The following AFF3 variants were observed in gnomAD, a reference collection of about 807,000 sequenced individuals.
AFF3 encodes the protein AF4/FMR2 family member 3.
AFF3 carries 32 observed loss-of-function variants against 129.7 expected under a neutral mutation model. The ratio of observed to expected loss-of-function variants is 0.25; its 90% CI spans 0.19 to 0.33. The LOEUF (loss-of-function observed/expected upper bound fraction) is 0.33, where lower values mean the gene tolerates loss of function less well. Among genes scored for constraint, AFF3 ranks in the 10% least tolerant of loss-of-function variants. AFF3 has a pLI of 1.00. For synonymous variants in AFF3, 644 were observed against 635.4 expected (o/e 1.01, Z -0.20); for missense variants, 1,373 against 1,592.0 (o/e 0.86, Z 2.34).
chr2:99,869,339 G>A (rs1224495160), intron 7 of AFF3, among the ~76,000 whole-genome samples: 3 of 150,340 alleles, frequency 2.0e-5, no homozygotes, highest in African/African-American at 4.9e-5. Flanking sequence ...TTAAATCTCA[G>A]CAAAGGCCTT....
chr2:99,649,557 T>G, intron 13 of AFF3, 69 bp downstream of exon 13: 1 of 1,514,796 alleles, frequency 6.6e-7, no homozygotes, highest in Admixed American at 1.8e-5. Flanking sequence ...TTATGAATTA[T>G]ATGCCACAAT....
intron 8 of AFF3, among the ~76,000 whole-genome samples, chr2:99,790,194 G>A (rs1176119474): frequency 6.6e-6 from 1 of 152,224 alleles, no homozygotes; most frequent in African/African-American, 2.4e-5. Context: ...AAAGAAATGT[G>A]ACAGTAACAG....
chr2:99,601,298 C>T (rs1679801676), intron 14 of AFF3, 137 bp downstream of exon 14: 1 of 1,076,638 alleles, frequency 9.3e-7, no homozygotes, highest in South Asian at 2.6e-5. Context: ...CCCATAGCCT[C>T]CTCCTTCCCA....
chr2:99,554,759 T>C (rs770910680), intron 22 of AFF3, 27 bp from the exon 23 acceptor site: 2 of 1,613,794 alleles, frequency 1.2e-6, no homozygotes, highest in Non-Finnish European at 1.7e-6. Context: ...ACACTGACAG[T>C]GAGTGCCATC....
chr2:99,610,215 T>C (rs1457817742), intron 13 of AFF3, among the ~76,000 whole-genome samples: 1 of 152,164 alleles, frequency 6.6e-6, no homozygotes, highest in Non-Finnish European at 1.5e-5. Flanking sequence ...ACGATTAAAA[T>C]GTAGAACTGT....
In AFF3 at chr2:99,687,561, G is replaced by A. The variant is rs147265162; in HGVS notation, c.1092-14972C>T. On this transcript the variant is annotated intron_variant, in intron 11 of 24. Coordinates refer to ENST00000672756, the MANE Select transcript of AFF3 (RefSeq NM_001386135.1). ...ACTCTAGGAGACAGGAGCTAGAGGA[G>A]AGGTGGGCTCTCACTGGCCTGTGGA... Among the ~76,000 whole-genome samples the A allele has an allele frequency of 5.1e-3, 780 of 152,276 alleles. 7 individuals are homozygous for A. The highest frequency in any genetic ancestry group is 0.017 in the African/African-American group (716 of 41,552).
At chr2:99,868,441 G>C (rs1005513517) in intron 7 of AFF3, among the ~76,000 whole-genome samples, 1 of 152,174 alleles carries the variant, frequency 6.6e-6, no homozygotes, top group Admixed American at 6.5e-5. Context: ...GCGAGCGAGT[G>C]TCTGACAGAT....
At chr2:99,929,526 TTTTA>T (rs1187531741) in intron 7 of AFF3, among the ~76,000 whole-genome samples, 2 of 152,212 alleles carry the variant, frequency 1.3e-5, no homozygotes, top group Non-Finnish European at 2.9e-5. Context: ...GCTTATTTAT[TTTTA>T]TTTATTAATG....
intron 7 of AFF3, among the ~76,000 whole-genome samples, chr2:99,957,810 G>A (rs1375198876): frequency 6.6e-6 from 1 of 152,170 alleles, no homozygotes; most frequent in Non-Finnish European, 1.5e-5. Flanking sequence ...AGCATCTGAG[G>A]CAGAGGAGCA....
chr2:99,984,155 A>G (rs1679647804), intron 7 of AFF3, among the ~76,000 whole-genome samples: 1 of 152,228 alleles, frequency 6.6e-6, no homozygotes, highest in South Asian at 2.1e-4. Context: ...TTAAAATTTA[A>G]AATGTGAAAC....
chr2:99,895,166 C>T lies in AFF3; in HGVS notation c.874-57642G>A, dbSNP rs568191225. 4.6e-5 allele frequency among the ~76,000 whole-genome samples: 7 copies of T among 152,296 alleles called. No homozygotes were observed. The South Asian group carries it at 1.2e-3, about 27-fold the overall frequency. On this transcript the variant is annotated intron_variant, in intron 7 of 24. Transcript: ENST00000672756. Reference sequence around the variant, plus strand: ...TATATGAGTTGATGCATGAGCATGGCTATTTCTACTGGATATGTTCTGAGC... The same window carrying T: ...TATATGAGTTGATGCATGAGCATGGTTATTTCTACTGGATATGTTCTGAGC...
Position 99,611,591 on chromosome 2 carries a change from G to T in AFF3, c.1185-9970C>A, listed in dbSNP as rs927053128. Reference sequence around the variant, plus strand: ...CACGGTGTTTGTCTGGAATAGGGTGGTTATTGTCTACAAGTTTCCCACGGT... The same window carrying T: ...CACGGTGTTTGTCTGGAATAGGGTGTTTATTGTCTACAAGTTTCCCACGGT... On this transcript the variant is annotated intron_variant, in intron 13 of 24. Transcript: ENST00000672756. Among the ~76,000 whole-genome samples the T allele has an allele frequency of 2.2e-4, 34 of 152,052 alleles. 1 individual carries two copies. Among genetic ancestry groups the T allele is most frequent in the African/African-American group, 8.2e-4 (34 of 41,490 alleles).
At chr2:99,764,263 C>T (rs1232901655) in intron 8 of AFF3, among the ~76,000 whole-genome samples, 1 of 152,168 alleles carries the variant, frequency 6.6e-6, no homozygotes, top group African/African-American at 2.4e-5. Flanking sequence ...CCACTGGAGA[C>T]CCTACCTTTC....
intron 8 of AFF3, among the ~76,000 whole-genome samples, chr2:99,778,550 T>C (rs1019136308): frequency 6.6e-6 from 1 of 152,218 alleles, no homozygotes; most frequent in African/African-American, 2.4e-5. Flanking sequence ...TTCATGTGAA[T>C]ATCAATGTGA....
At chr2:100,058,641 G>A (rs931559147) in intron 4 of AFF3, among the ~76,000 whole-genome samples, 5 of 151,982 alleles carry the variant, frequency 3.3e-5, no homozygotes, top group African/African-American at 9.7e-5. Flanking sequence ...CACTTAGCAC[G>A]AATGCAAGAG....
At chr2:99,594,849 T>C (rs910647460) in intron 14 of AFF3, among the ~76,000 whole-genome samples, 32 of 152,194 alleles carry the variant, frequency 2.1e-4, no homozygotes, top group African/African-American at 7.7e-4. Context: ...TTGTTTTGCA[T>C]ATAGAACTAT....
chr2:99,663,028 T>G (rs1045032487), intron 12 of AFF3, among the ~76,000 whole-genome samples: 1 of 152,194 alleles, frequency 6.6e-6, no homozygotes, highest in African/African-American at 2.4e-5. Flanking sequence ...ACTAAGGAAG[T>G]AGAGTTGGGC....
At chr2:99,816,106 C>T (rs1384629058) in intron 8 of AFF3, among the ~76,000 whole-genome samples, 2 of 150,870 alleles carry the variant, frequency 1.3e-5, no homozygotes, top group African/African-American at 2.4e-5. Context: ...TATCTTCATG[C>T]TCACTGATTG....
intron 8 of AFF3, among the ~76,000 whole-genome samples, chr2:99,834,779 A>G (rs1688743551): frequency 6.6e-6 from 1 of 151,994 alleles, no homozygotes; most frequent in African/African-American, 2.4e-5. Flanking sequence ...TCTCACTTCC[A>G]CTTGCCAGCG....
Sources: gnomAD v4.1 joint callset for allele counts (sites outside exome capture counted in the v4.1 genomes callset) on GRCh38, gnomAD v4.1.1 for gene constraint, MANE v1.5 for transcripts, NCBI Gene and HGNC (gene_info 2026-07-23, HGNC 2026-07-21) for gene names.